Variants in INTS2 observed in about 807,000 individuals in gnomAD.
INTS2 encodes the protein integrator complex subunit 2.
Under a neutral mutation model 139.6 loss-of-function variants are expected in INTS2, and 57 were observed. The observed-to-expected ratio is 0.41, with a 90% CI of 0.33 to 0.51. The LOEUF (loss-of-function observed/expected upper bound fraction) is 0.51. Ranked by LOEUF, INTS2 falls within the 20% of genes least tolerant of loss-of-function variation. INTS2 has a pLI of 0.28. For missense variants in INTS2, 1,196 were observed against 1,436.7 expected (o/e 0.83, Z 2.71); for synonymous variants, 473 against 493.4 (o/e 0.96, Z 0.55).
At position 61,900,492 on chromosome 17, in the gene INTS2, A is replaced by AT. The variant is rs575012365; in HGVS notation, c.1308-2754dup. Among the ~76,000 whole-genome samples, 75 of 152,180 alleles carry AT rather than the reference A, an allele frequency of 4.9e-4. 3 individuals are homozygous for AT. The highest frequency in any genetic ancestry group is 5.6e-4 in the Non-Finnish European group (38 of 68,018). On this transcript the variant is annotated intron_variant, in intron 9 of 24. Transcript: ENST00000251334. The stretch of plus-strand genomic sequence containing the variant: ...AAGTAAACGATTATACTGCAGGCTG[A>AT]TATCTACCAGCCCTTAACCCTCACT...
At chr17:61,880,130 G>C (rs1405562373) in intron 17 of INTS2, among the ~76,000 whole-genome samples, 1 of 152,022 alleles carries the variant, frequency 6.6e-6, no homozygotes, top group Non-Finnish European at 1.5e-5. Context: ...TGCAACCTAG[G>C]CCTCCCGGGT....
At chr17:61,879,988 C>G (rs902126763) in intron 17 of INTS2, among the ~76,000 whole-genome samples, 26 of 152,238 alleles carry the variant, frequency 1.7e-4, no homozygotes, top group African/African-American at 6.0e-4. Flanking sequence ...CATTATATTT[C>G]TATTTAACAG....
chr17:61,887,576 G>A (rs1263275149), intron 15 of INTS2, among the ~76,000 whole-genome samples: 3 of 151,410 alleles, frequency 2.0e-5, no homozygotes, highest in Non-Finnish European at 2.9e-5. Context: ...CTGCAAAGAC[G>A]TAAATTCTCT....
chr17:61,911,793 T>TAA (rs2079529265), intron 6 of INTS2, 100 bp from the exon 7 acceptor site: 2 of 1,435,006 alleles, frequency 1.4e-6, no homozygotes, highest in East Asian at 4.6e-5. Flanking sequence ...GAAGAACTCC[T>TAA]ACAAAACATA....
chr17:61,887,137 G>A (rs1402759488), intron 15 of INTS2, among the ~76,000 whole-genome samples: 5 of 152,054 alleles, frequency 3.3e-5, no homozygotes, highest in East Asian at 1.9e-4. Context: ...TAAAATAAAC[G>A]TAACCACACC....
chr17:61,905,080 G>C (rs1416404770), intron 8 of INTS2, among the ~76,000 whole-genome samples: 3 of 151,506 alleles, frequency 2.0e-5, no homozygotes, highest in African/African-American at 7.3e-5. Flanking sequence ...CATGTAGCTA[G>C]GACCACAGGT....
intron 9 of INTS2, among the ~76,000 whole-genome samples, chr17:61,902,918 G>A (rs34236761): frequency 6.7e-6 from 1 of 149,084 alleles, no homozygotes; most frequent in Non-Finnish European, 1.5e-5. Context: ...TGTAATCCCA[G>A]CACTTTGGGA....
At chr17:61,891,130 CTAAAA>C (rs1298744481) in intron 14 of INTS2, among the ~76,000 whole-genome samples, 1 of 151,614 alleles carries the variant, frequency 6.6e-6, no homozygotes, top group African/African-American at 2.4e-5. Flanking sequence ...CCTGTCTCTA[CTAAAA>C]ATACAAAACA....
intron 1 of INTS2, among the ~76,000 whole-genome samples, chr17:61,926,864 T>C (rs989889432): frequency 6.6e-6 from 1 of 152,164 alleles, no homozygotes; most frequent in Non-Finnish European, 1.5e-5. Context: ...CAGAGTATAT[T>C]AATGTCTCTT....
chr17:61,886,439 A>G (rs763746368), intron 15 of INTS2, among the ~76,000 whole-genome samples: 52 of 152,140 alleles, frequency 3.4e-4, no homozygotes, highest in African/African-American at 9.7e-5. Context: ...TTCTAAGTCC[A>G]TTTTAATTTC....
At chr17:61,916,911 G>A (rs1340309016) in intron 5 of INTS2, among the ~76,000 whole-genome samples, 1 of 152,068 alleles carries the variant, frequency 6.6e-6, no homozygotes, top group Admixed American at 6.6e-5. Flanking sequence ...AAGGCCTAAT[G>A]TGCAGAATCT....
chr17:61,872,318 C>G lies in INTS2; in HGVS notation c.2725G>C (p.Asp909His). 1.2e-6 allele frequency: 2 copies of G among 1,613,172 alleles called. No individual in the cohort carries two copies. Among genetic ancestry groups the G allele is most frequent in the Non-Finnish European group, 1.7e-6 (2 of 1,179,362 alleles). ...NNTIGLVGQT[D>H]APEVTREELK... The stretch of plus-strand genomic sequence containing the variant: ...TCTTCCCTGGTAACTTCCGGAGCAT[C>G]AGTTTGTCCAACTAAACCAATTGTA... Residue 909 changes from aspartate to histidine, a missense_variant, in exon 20 of 25, where the codon GAT becomes CAT. By Grantham distance (81) the Asp-to-His change is moderately conservative (BLOSUM62 -1). Around this residue, in one of 3 missense-constraint regions of INTS2, gnomAD observed 1,129 missense variants for 1,341.9 expected, o/e 0.84. Coordinates refer to ENST00000251334, the MANE Select transcript of INTS2 (RefSeq NM_001351695.2). The surrounding 1 kb of genome is among the most constrained non-coding windows in gnomAD (Gnocchi z 4.8).
rs2079037401 is a variant in INTS2, at chr17:61,865,546, T to C, written c.*2011A>G. On this transcript the variant is annotated 3_prime_UTR_variant, in exon 25 of 25. Coordinates refer to ENST00000251334, the MANE Select transcript of INTS2 (RefSeq NM_001351695.2). This position sits in a 1 kb window ranked among gnomAD's most constrained non-coding sequence, Gnocchi z 4.8. ...TTATTTACATCATCAACAAATCTGA[T>C]GAAAAAGAGCATATGTGATTATTTT... 6.6e-6 allele frequency: 1 copy of C among 152,656 alleles called. No homozygotes were observed. The highest frequency in any genetic ancestry group is 6.5e-5 in the Admixed American group (1 of 15,276). The allele number at this position is 152,656 out of a possible 1,614,324, so 9.5% of individuals were successfully genotyped here.
chr17:61,890,403 G>T (rs568469068), intron 14 of INTS2, among the ~76,000 whole-genome samples: 85 of 151,872 alleles, frequency 5.6e-4, no homozygotes, highest in African/African-American at 2.0e-3. Flanking sequence ...CTGAGGTCAC[G>T]AGTTGGAGAC....
intron 4 of INTS2, among the ~76,000 whole-genome samples, 169 bp downstream of exon 4, chr17:61,921,556 T>C (rs1279794906): frequency 3.3e-5 from 5 of 152,178 alleles, no homozygotes; most frequent in Non-Finnish European, 7.3e-5. Flanking sequence ...ATGAAAATAA[T>C]ATAATTTACT....
chr17:61,869,766 G>C lies in INTS2; in HGVS notation c.3001C>G (p.Pro1001Ala), dbSNP rs1198405659. ...AAGTGAACAAGCTTAGCAATGTTGGGATCTGCAATGTACATTTGGTGCAAG... is the reference window on the plus strand; with the variant it reads ...AAGTGAACAAGCTTAGCAATGTTGGCATCTGCAATGTACATTTGGTGCAAG... ...CLLHQMYIAD[P>A]NIAKLVHFQG... Residue 1001 changes from proline (P) to alanine (A), a missense_variant, in exon 21 of 25, where the codon CCC becomes GCC. Physicochemically the swap from Pro to Ala is conservative, Grantham distance 27 (BLOSUM62 -1). Coordinates refer to ENST00000251334, the MANE Select transcript of INTS2 (RefSeq NM_001351695.2). This position sits in a 1 kb window ranked among gnomAD's most constrained non-coding sequence, Gnocchi z 5.4. The C allele has an allele frequency of 6.2e-7, 1 of 1,613,772 alleles. No homozygotes were observed. The highest frequency in any genetic ancestry group is 1.7e-5 in the Admixed American group (1 of 60,026).
intron 7 of INTS2, among the ~76,000 whole-genome samples, chr17:61,908,411 G>A (rs764792055): frequency 7.2e-5 from 11 of 151,874 alleles, no homozygotes; most frequent in East Asian, 1.9e-4. Context: ...TGATACTCTC[G>A]TCTCAAAAAA....
Position 61,869,668 on chromosome 17 carries a change from TAA to T in INTS2, c.3030+67_3030+68del, listed in dbSNP as rs1474323352. The T allele has an allele frequency of 3.3e-6, 5 of 1,520,830 alleles. No individual in the cohort carries two copies. The highest frequency in any genetic ancestry group is 4.5e-6 in the Non-Finnish European group (5 of 1,114,102). The allele number at this position is 1,520,830 out of a possible 1,614,324, so 94.2% of individuals were successfully genotyped here. On this transcript the variant is annotated intron_variant, in intron 21 of 24. Transcript: ENST00000251334. This position sits in a 1 kb window ranked among gnomAD's most constrained non-coding sequence, Gnocchi z 5.4. The stretch of plus-strand genomic sequence containing the variant: ...TCTCTGGTTTCTAAATGATCCCTGT[TAA>T]TATAGTATTCAAAGCCCCCAAGAAA...
intron 17 of INTS2, among the ~76,000 whole-genome samples, chr17:61,879,106 T>C (rs2079154778): frequency 1.5e-5 from 2 of 136,362 alleles, no homozygotes; most frequent in Admixed American, 7.4e-5. Context: ...TTTTTCCCTC[T>C]TGCCTTTACC....
Sources: gnomAD v4.1 joint callset for allele counts (sites outside exome capture counted in the v4.1 genomes callset) on GRCh38, gnomAD v4.1.1 for gene constraint, gnomAD v4.1.1 regional missense constraint, Gnocchi (gnomAD v3.1) non-coding constraint, MANE v1.5 for transcripts, NCBI Gene and HGNC (gene_info 2026-07-23, HGNC 2026-07-21) for gene names.